The following KCNQ1 variants were observed in gnomAD, a reference collection of about 807,000 sequenced individuals.
KCNQ1 encodes the protein potassium voltage-gated channel subfamily KQT member 1.
A neutral mutation model predicts 72.4 loss-of-function variants in KCNQ1; 49 were observed. That is an observed-to-expected ratio of 0.68 (90% confidence interval 0.54 to 0.86). The LOEUF is 0.86. Ranked by LOEUF, KCNQ1 falls within the 40% of genes least tolerant of loss-of-function variation. The pLI is 0.00. For synonymous variants in KCNQ1, 450 were observed against 412.6 expected, an observed-to-expected ratio of 1.09 and a Z score of -1.10; for missense variants, 790 against 945.1, an observed-to-expected ratio of 0.84 and a Z score of 2.15.
chr11:2,659,767 C>T lies in KCNQ1; in HGVS notation c.1394-2194C>T, dbSNP rs1237790564. ...CATCCTCAAGAGTGGTTGGTATTGT[C>T]AGGTTTTGAATTTTTTTTTTAATTT... On this transcript the variant is annotated intron_variant, in intron 10 of 15. Coordinates refer to ENST00000155840, the MANE Select transcript of KCNQ1 (RefSeq NM_000218.3). This position sits in a 1 kb window ranked among gnomAD's most constrained non-coding sequence, Gnocchi z 4.3. 2.5e-6 allele frequency: 1 copy of T among 398,222 alleles called. No homozygotes were observed. Among genetic ancestry groups the T allele is most frequent in the African/African-American group, 2.1e-5 (1 of 48,594 alleles). The allele number at this position is 398,222 out of a possible 1,614,324, so 24.7% of individuals were successfully genotyped here. A position where few individuals can be genotyped will look rare whatever the true frequency, so the allele number is the denominator to read the frequency against.
chr11:2,542,026 A>T (rs1255101584), intron 2 of KCNQ1, among the ~76,000 whole-genome samples: 1 of 152,142 alleles, frequency 6.6e-6, no homozygotes, highest in African/African-American at 2.4e-5. Flanking sequence ...GTGGCTCTCC[A>T]TGGCCCTGGA....
At chr11:2,840,591 T>TAAA (rs1848187847) in intron 15 of KCNQ1, 1 of 151,890 alleles carries the variant, frequency 6.6e-6, no homozygotes, top group South Asian at 2.1e-4. Flanking sequence ...TGAGAAGGCA[T>TAAA]AAAGGAAAAG....
intron 1 of KCNQ1, among the ~76,000 whole-genome samples, chr11:2,487,265 A>T (rs770131947): frequency 9.9e-5 from 15 of 152,162 alleles, no homozygotes; most frequent in Non-Finnish European, 1.6e-4. Flanking sequence ...CACTGTCTTG[A>T]TTACTGTAAG....
Position 2,784,077 on chromosome 11 carries a change from A to G in KCNQ1, c.1794+6040A>G, listed in dbSNP as rs79929817. On this transcript the variant is annotated intron_variant, in intron 15 of 15. Coordinates refer to ENST00000155840, the MANE Select transcript of KCNQ1 (RefSeq NM_000218.3). This position sits in a 1 kb window ranked among gnomAD's most constrained non-coding sequence, Gnocchi z 4.7. ...AGAACTCTGCCTAATCCAAAGCCAT[A>G]AACATTTTCTCCTGTTTTGTTTTGG... Among the ~76,000 whole-genome samples, 3,956 of 152,122 alleles carry G rather than the reference A, an allele frequency of 0.026. 183 individuals are homozygous for G. The highest frequency in any genetic ancestry group is 0.09 in the African/African-American group (3,740 of 41,548).
intron 2 of KCNQ1, among the ~76,000 whole-genome samples, chr11:2,542,531 C>T (rs576719613): frequency 3.3e-5 from 5 of 152,322 alleles, no homozygotes; most frequent in African/African-American, 4.8e-5. Context: ...CATGGGTGTA[C>T]GCCACAGGAC....
rs34219164 is a variant in KCNQ1, at chr11:2,674,832, TAAAAAAAAAAAAAAAA to T, written c.1514+12764_1514+12779del. ...GCTTGTCACCCTAATAGCTGTTTTT[TAAAAAAAAAAAAAAAA>T]AAAAAAAAAAAAGCTCACTGGGCAC... On this transcript the variant is annotated intron_variant, in intron 11 of 15. Coordinates refer to ENST00000155840, the MANE Select transcript of KCNQ1 (RefSeq NM_000218.3). This position sits in a 1 kb window ranked among gnomAD's most constrained non-coding sequence, Gnocchi z 5.9. 2 of 243,764 alleles carry T rather than the reference TAAAAAAAAAAAAAAAA, an allele frequency of 8.2e-6. No homozygotes were observed. The highest frequency in any genetic ancestry group is 3.8e-5 in the African/African-American group (1 of 26,030). The allele number at this position is 243,764 out of a possible 1,614,324, so 15.1% of individuals were successfully genotyped here.
At chr11:2,551,712 T>A (rs115510965) in intron 2 of KCNQ1, among the ~76,000 whole-genome samples, 3 of 152,390 alleles carry the variant, frequency 2.0e-5, no homozygotes, top group African/African-American at 7.2e-5. Context: ...TTTTCCACTC[T>A]TACCATCAAT....
At chr11:2,633,772 T>C (rs1849403441) in intron 10 of KCNQ1, 4 of 398,516 alleles carry the variant, frequency 1.0e-5, no homozygotes, top group Non-Finnish European at 1.8e-5. Context: ...CATTGTTTTG[T>C]ATACAAGGGG....
At chr11:2,706,132 C>G (rs1850908052) in intron 11 of KCNQ1, among the ~76,000 whole-genome samples, 1 of 152,200 alleles carries the variant, frequency 6.6e-6, no homozygotes. Context: ...CTTTGACAAT[C>G]CGTTCTTCCG....
intron 11 of KCNQ1, chr11:2,665,446 G>C: frequency 2.5e-6 from 1 of 397,210 alleles, no homozygotes. Context: ...GCTCACCAAG[G>C]GTCACTGGCA....
intron 15 of KCNQ1, among the ~76,000 whole-genome samples, chr11:2,825,445 T>A (rs1410332641): frequency 1.3e-5 from 2 of 151,474 alleles, no homozygotes; most frequent in Non-Finnish European, 2.9e-5. Flanking sequence ...CGCGGGGGGG[T>A]AGGGGCGCCC....
At chr11:2,845,402 T>C (rs577247653) in intron 15 of KCNQ1, among the ~76,000 whole-genome samples, 33 of 152,160 alleles carry the variant, frequency 2.2e-4, no homozygotes, top group African/African-American at 8.0e-4. Flanking sequence ...TGGGATGGAG[T>C]GTGGGCCTCT....
At position 2,670,269 on chromosome 11, in the gene KCNQ1, A is replaced by G. The variant is rs766640564; in HGVS notation, c.1514+8188A>G. On this transcript the variant is annotated intron_variant, in intron 11 of 15. Coordinates refer to ENST00000155840, the MANE Select transcript of KCNQ1 (RefSeq NM_000218.3). This position sits in a 1 kb window ranked among gnomAD's most constrained non-coding sequence, Gnocchi z 4.9. ...ACGGGCGAGGGAAGAGGACCATGGT[A>G]GCTTGTCTCTAGGCAACCCATAGGT... The G allele has an allele frequency of 5.0e-6, 2 of 398,644 alleles. No homozygotes were observed. The highest frequency in any genetic ancestry group is 8.8e-6 in the Non-Finnish European group (2 of 226,094). 24.7% of individuals were successfully genotyped at this position (398,644 alleles called of 1,614,324 possible).
At chr11:2,731,160 G>A (rs1276282474) in intron 11 of KCNQ1, among the ~76,000 whole-genome samples, 3 of 152,196 alleles carry the variant, frequency 2.0e-5, no homozygotes, top group African/African-American at 7.2e-5. Context: ...CTGGCAGAGG[G>A]AGGCAGCCCC....
chr11:2,663,153 T>G lies in KCNQ1; in HGVS notation c.1514+1072T>G. ...TCAGACAGGACCTGCCCACTGTCTT[T>G]CCAGGCCCCCCCAGTTCACAGAGAG... On this transcript the variant is annotated intron_variant, in intron 11 of 15. Coordinates refer to ENST00000155840, the MANE Select transcript of KCNQ1 (RefSeq NM_000218.3). The surrounding 1 kb of genome is among the most constrained non-coding windows in gnomAD (Gnocchi z 5.2). The G allele has an allele frequency of 2.5e-6, 1 of 398,730 alleles. No homozygotes were observed. Among genetic ancestry groups the G allele is most frequent in the Non-Finnish European group, 4.4e-6 (1 of 226,160 alleles). The allele number at this position is 398,730 out of a possible 1,614,324, so 24.7% of individuals were successfully genotyped here. A position where few individuals can be genotyped will look rare whatever the true frequency, so the allele number is the denominator to read the frequency against.
chr11:2,463,581 G>A lies in KCNQ1; in HGVS notation c.386+18097G>A, dbSNP rs1564788069. 1.3e-5 allele frequency among the ~76,000 whole-genome samples: 2 copies of A among 152,132 alleles called. No individual in the cohort carries two copies. The highest frequency in any genetic ancestry group is 2.9e-5 in the Non-Finnish European group (2 of 68,008). On this transcript the variant is annotated intron_variant, in intron 1 of 15. Coordinates refer to ENST00000155840, the MANE Select transcript of KCNQ1 (RefSeq NM_000218.3). This position sits in a 1 kb window ranked among gnomAD's most constrained non-coding sequence, Gnocchi z 7.0. ...CCACCTCAAAGTCACGCTGCCCTGG[G>A]CACCCTGCCTCTTCCGGGGACTGGG...
intron 11 of KCNQ1, chr11:2,693,040 G>T (rs1308904478): frequency 2.5e-6 from 1 of 398,556 alleles, no homozygotes; most frequent in Non-Finnish European, 4.4e-6. Context: ...CCTTTCTGGA[G>T]CAGGGGGAGA....
intron 11 of KCNQ1, among the ~76,000 whole-genome samples, chr11:2,714,379 G>GT (rs142279615): frequency 0.025 from 3,878 of 152,312 alleles, 174 homozygotes; most frequent in African/African-American, 0.088. Context: ...ACTCTCCTGG[G>GT]TTGGGGCTCC....
At position 2,471,633 on chromosome 11, in the gene KCNQ1, C is replaced by G. The variant is rs117880152; in HGVS notation, c.386+26149C>G. On this transcript the variant is annotated intron_variant, in intron 1 of 15. Coordinates refer to ENST00000155840, the MANE Select transcript of KCNQ1 (RefSeq NM_000218.3). This position sits in a 1 kb window ranked among gnomAD's most constrained non-coding sequence, Gnocchi z 4.8. Reference sequence around the variant, plus strand: ...GTATATGGGTGTGTGCACGTATGCACGGATGTGTGTACACATGTGTATGGG... The same window carrying G: ...GTATATGGGTGTGTGCACGTATGCAGGGATGTGTGTACACATGTGTATGGG... 6.9e-6 allele frequency among the ~76,000 whole-genome samples: 1 copy of G among 144,014 alleles called. No homozygotes were observed. The highest frequency in any genetic ancestry group is 6.9e-5 in the Admixed American group (1 of 14,544). The allele number at this position is 144,014 out of a possible 152,430, so 94.5% of individuals were successfully genotyped here.
Sources: allele counts gnomAD v4.1 joint callset (sites outside exome capture counted in the v4.1 genomes callset), GRCh38; gene constraint gnomAD v4.1.1; non-coding constraint Gnocchi (gnomAD v3.1); transcripts MANE v1.5; gene names NCBI Gene and HGNC (gene_info 2026-07-23, HGNC 2026-07-21).